RBMS3: variants seen among roughly 807,000 people sequenced by gnomAD.
The protein encoded by RBMS3 is RNA binding motif single stranded interacting protein 3.
Under a neutral mutation model 66.8 loss-of-function variants are expected in RBMS3, and 27 were observed. The observed-to-expected ratio is 0.40, with a 90% confidence interval of 0.30 to 0.56. The LOEUF is 0.56. RBMS3 is among the 20% of genes least tolerant of loss of function. The pLI is 0.40. For missense variants in RBMS3, 513 were observed against 549.5 expected (o/e 0.93, Z 0.66); for synonymous variants, 188 against 183.0 (o/e 1.03, Z -0.22).
intron 8 of RBMS3, among the ~76,000 whole-genome samples, chr3:29,886,709 T>A (rs143962496): frequency 1.9e-3 from 296 of 151,924 alleles, no homozygotes; most frequent in African/African-American, 5.4e-3. Flanking sequence ...AATTATTATT[T>A]TTTTTTTTAG....
intron 1 of RBMS3, among the ~76,000 whole-genome samples, chr3:29,289,664 G>A (rs894080800): frequency 6.6e-6 from 1 of 151,756 alleles, no homozygotes; most frequent in Non-Finnish European, 1.5e-5. Context: ...AGTGAGACTC[G>A]ACTACATGCC....
intron 6 of RBMS3, among the ~76,000 whole-genome samples, chr3:29,807,197 A>T (rs1019668798): frequency 1.3e-5 from 2 of 151,978 alleles, no homozygotes; most frequent in Non-Finnish European, 2.9e-5. Context: ...AACTGTCAGT[A>T]TCAAGATTGC....
intron 1 of RBMS3, among the ~76,000 whole-genome samples, chr3:29,344,850 C>G (rs752975383): frequency 2.6e-5 from 4 of 152,140 alleles, no homozygotes; most frequent in Non-Finnish European, 5.9e-5. Context: ...GTTATCTTGT[C>G]ATTTTCTCCA....
At chr3:29,913,780 A>T (rs1480002644) in intron 10 of RBMS3, among the ~76,000 whole-genome samples, 2 of 151,934 alleles carry the variant, frequency 1.3e-5, no homozygotes. Flanking sequence ...ATCAATTCTT[A>T]CTTTCCGATA....
intron 3 of RBMS3, among the ~76,000 whole-genome samples, chr3:29,492,103 C>G (rs891886036): frequency 3.3e-5 from 5 of 152,158 alleles, no homozygotes; most frequent in African/African-American, 1.2e-4. Flanking sequence ...CTCCCATTGC[C>G]TTGCTTATCC....
chr3:29,936,287 C>A, intron 11 of RBMS3, 91 bp downstream of exon 11: 1 of 1,199,114 alleles, frequency 8.3e-7, no homozygotes, highest in Non-Finnish European at 1.2e-6. Flanking sequence ...GAAACTGTGT[C>A]TGTACCATAT....
intron 3 of RBMS3, among the ~76,000 whole-genome samples, chr3:29,526,520 C>CAAAAAAAAAAAAAAAA (rs61483868): frequency 5.6e-5 from 2 of 35,950 alleles, no homozygotes; most frequent in Non-Finnish European, 1.1e-4. Flanking sequence ...GACTCCATCT[C>CAAAAAAAAAAAAAAAA]AAAAAAAAAA....
chr3:29,994,295 G>C (rs537362784), intron 14 of RBMS3, among the ~76,000 whole-genome samples: 1 of 152,168 alleles, frequency 6.6e-6, no homozygotes, highest in Non-Finnish European at 1.5e-5. Flanking sequence ...ACGGAGTCTC[G>C]CTGATTGCTA....
At chr3:29,398,251 C>A (rs2039645423) in intron 1 of RBMS3, among the ~76,000 whole-genome samples, 1 of 152,118 alleles carries the variant, frequency 6.6e-6, no homozygotes, top group African/African-American at 2.4e-5. Context: ...TTGTGGCCAG[C>A]AGTGTTATTT....
chr3:29,928,209 TATAC>T (rs1232422759), intron 10 of RBMS3, among the ~76,000 whole-genome samples: 222 of 102,912 alleles, frequency 2.2e-3, no homozygotes, highest in African/African-American at 8.0e-3. Context: ...TATATATATA[TATAC>T]ACACACACAC....
At chr3:29,762,806 A>G in intron 5 of RBMS3, 104 bp from the exon 6 acceptor site, 2 of 802,422 alleles carry the variant, frequency 2.5e-6, no homozygotes, top group Non-Finnish European at 4.1e-6. Context: ...TTAGGGTACA[A>G]TTCTCAAATC....
intron 10 of RBMS3, among the ~76,000 whole-genome samples, chr3:29,902,968 G>T (rs1317326100): frequency 6.6e-6 from 1 of 151,868 alleles, no homozygotes; most frequent in Non-Finnish European, 1.5e-5. Context: ...AACTGGAGGG[G>T]CAACAACTGG....
chr3:29,627,229 T>C (rs2049093434), intron 4 of RBMS3, among the ~76,000 whole-genome samples: 1 of 152,118 alleles, frequency 6.6e-6, no homozygotes, highest in African/African-American at 2.4e-5. Flanking sequence ...TGGATGAACA[T>C]CTCACCTAGT....
intron 1 of RBMS3, among the ~76,000 whole-genome samples, chr3:29,410,966 T>C (rs2040241367): frequency 1.6e-5 from 1 of 63,468 alleles, no homozygotes; most frequent in Middle Eastern, 5.2e-3. Flanking sequence ...CCCTTTCTTC[T>C]TAAAAAAAAA....
At chr3:29,434,247 T>A (rs1012812427) in intron 1 of RBMS3, among the ~76,000 whole-genome samples, 11 of 152,210 alleles carry the variant, frequency 7.2e-5, no homozygotes, top group Non-Finnish European at 1.2e-4. Context: ...TTTATAGGAA[T>A]GATTTCTTTG....
chr3:29,431,572 T>A (rs1280970246), intron 1 of RBMS3, among the ~76,000 whole-genome samples: 13 of 152,100 alleles, frequency 8.5e-5, no homozygotes, highest in Non-Finnish European at 1.6e-4. Flanking sequence ...ACTACAGGCG[T>A]GAGCCACCGC....
intron 1 of RBMS3, among the ~76,000 whole-genome samples, chr3:29,420,647 CA>C (rs2040677412): frequency 6.7e-6 from 1 of 149,574 alleles, no homozygotes; most frequent in South Asian, 2.1e-4. Flanking sequence ...CGCAGAGTTT[CA>C]GAATACTTGC....
intron 2 of RBMS3, among the ~76,000 whole-genome samples, chr3:29,474,119 C>G (rs1279806328): frequency 1.3e-5 from 2 of 152,268 alleles, no homozygotes; most frequent in African/African-American, 4.8e-5. Flanking sequence ...AATTTTTCAT[C>G]TCTGCCAAGG....
chr3:29,948,623 A>G (rs2149711335), intron 12 of RBMS3, among the ~76,000 whole-genome samples: 1 of 151,966 alleles, frequency 6.6e-6, no homozygotes, highest in East Asian at 1.9e-4. Flanking sequence ...TAGCCATTAA[A>G]TTGTTTTTAT....
Sources: allele counts gnomAD v4.1 joint callset (sites outside exome capture counted in the v4.1 genomes callset), GRCh38; gene constraint gnomAD v4.1.1; transcripts MANE v1.5; gene names NCBI Gene and HGNC (gene_info 2026-07-23, HGNC 2026-07-21).